The following TCF4 variants were observed in gnomAD, a reference collection of about 807,000 sequenced individuals.
The protein encoded by TCF4 is SL3-3 enhancer factor 2.
In TCF4, 3 loss-of-function variants were observed where a neutral mutation model predicts 82.1. The ratio of observed to expected loss-of-function variants is 0.04; its 90% CI spans 0.02 to 0.09. TCF4 has a LOEUF of 0.09. Ranked by LOEUF, TCF4 falls within the 10% of genes least tolerant of loss-of-function variation. The probability of loss-of-function intolerance (pLI) is 1.00; values close to 1 mark genes in which losing one functional copy is unlikely to be tolerated. For missense variants in TCF4, 518 were observed against 852.7 expected (o/e 0.61, Z 4.89); for synonymous variants, 276 against 309.6 (o/e 0.89, Z 1.14).
At chr18:55,634,160 A>C (rs972701174) in intron 1 of TCF4, among the ~76,000 whole-genome samples, 1 of 151,938 alleles carries the variant, frequency 6.6e-6, no homozygotes, top group African/African-American at 2.4e-5. Context: ...TCCCAGCTAC[A>C]TGGGAGGCTG....
intron 3 of TCF4, among the ~76,000 whole-genome samples, chr18:55,514,411 A>G (rs2096859299): frequency 7.2e-6 from 1 of 139,474 alleles, no homozygotes; most frequent in South Asian, 2.2e-4. Context: ...CCATGCACAC[A>G]CACACACACA....
chr18:55,626,677 C>T (rs1033252415), intron 2 of TCF4, among the ~76,000 whole-genome samples: 15 of 152,218 alleles, frequency 9.9e-5, no homozygotes, highest in African/African-American at 2.9e-4. Flanking sequence ...GTAAAAGGTA[C>T]GATAACAGGA....
chr18:55,592,256 G>C (rs896041799), upstream of TCF4, among the ~76,000 whole-genome samples: 1 of 152,094 alleles, frequency 6.6e-6, no homozygotes, highest in Non-Finnish European at 1.5e-5. Flanking sequence ...ATTCAGGCTG[G>C]CCAAAATACC....
intron 11 of TCF4, chr18:55,267,668 C>T (rs2059495951): frequency 6.6e-6 from 1 of 152,128 alleles, no homozygotes; most frequent in Admixed American, 6.6e-5. Context: ...GTTTGCTCCT[C>T]CAAAATGCTG....
intron 6 of TCF4, among the ~76,000 whole-genome samples, chr18:55,370,446 T>TAGAC (rs2088716698): frequency 6.6e-6 from 1 of 150,956 alleles, no homozygotes; most frequent in African/African-American, 2.5e-5. Context: ...GATAGATAGA[T>TAGAC]AGATAGATAG....
Position 55,301,822 on chromosome 18 carries a change from G to GGGA in TCF4, c.550-22167_550-22166insTCC, listed in dbSNP as rs1555848698. On this transcript the variant is annotated intron_variant, in intron 8 of 19. Coordinates refer to ENST00000354452, the MANE Select transcript of TCF4 (RefSeq NM_001083962.2). ...AAAAAAAAAAAAAAAAGTGGGGGGG[G>GGGA]ATTCGGGTGGGGGAGAGTTATCAAT... Among the ~76,000 whole-genome samples, 133 of 137,200 alleles carry GGGA rather than the reference G, an allele frequency of 9.7e-4. 3 individuals carry two copies. Among genetic ancestry groups the GGGA allele is most frequent in the African/African-American group, 3.2e-3 (119 of 37,256 alleles). The allele number at this position is 137,200 out of a possible 152,430, so 90.0% of individuals were successfully genotyped here.
At chr18:55,621,536 T>TAATATATATAATGTACATTATATATA (rs1568500474) in intron 2 of TCF4, among the ~76,000 whole-genome samples, 2 of 7,564 alleles carry the variant, frequency 2.6e-4, no homozygotes, top group African/African-American at 9.6e-4. Flanking sequence ...ATATAATATA[T>TAATATATATAATGTACATTATATATA]ATATTATATT....
At position 55,587,074 on chromosome 18, in the gene TCF4, CTT is replaced by C. The variant is rs1603624808; in HGVS notation, c.41_42del (p.Lys14ArgfsTer4). The stretch of plus-strand genomic sequence containing the variant: ...CTGAAATCCAGTAAATCACTCAGCT[CTT>C]TGTCCGTCCCTAAGGCAGCCATTCG... ...QQRMAALGTD[K>X]ELSDLLDFSA... On this transcript the variant is annotated frameshift_variant, in exon 2 of 20. Coordinates refer to ENST00000354452, the MANE Select transcript of TCF4 (RefSeq NM_001083962.2). LOFTEE classifies it high-confidence loss of function. 1 of 1,613,736 alleles carries C rather than the reference CTT, an allele frequency of 6.2e-7. No individual in the cohort carries two copies. Among genetic ancestry groups the C allele is most frequent in the Non-Finnish European group, 8.5e-7 (1 of 1,179,966 alleles).
chr18:55,558,230 A>G (rs1010951996), intron 3 of TCF4, among the ~76,000 whole-genome samples: 1 of 152,130 alleles, frequency 6.6e-6, no homozygotes, highest in Non-Finnish European at 1.5e-5. Flanking sequence ...AAAAACTAAA[A>G]GAAAAAATTT....
chr18:55,399,876 TCTCTCACACA>T (rs1271304400), intron 6 of TCF4, among the ~76,000 whole-genome samples: 1,708 of 118,228 alleles, frequency 0.014, 19 homozygotes, highest in African/African-American at 0.036. Flanking sequence ...TCTCTCTCTC[TCTCTCACACA>T]CACACACACA....
intron 15 of TCF4, among the ~76,000 whole-genome samples, chr18:55,240,601 G>C (rs1045211611): frequency 6.6e-6 from 1 of 152,186 alleles, no homozygotes; most frequent in Non-Finnish European, 1.5e-5. Context: ...GAAGTTCATG[G>C]AATGGCAGCA....
At position 55,455,198 on chromosome 18, in the gene TCF4, A is replaced by G. The variant is rs1009295549; in HGVS notation, c.304+5821T>C. ...CTGTCTCAAAAAAAAAAAAAAAAAAAAAAAAGAAAAGAAAAAGAAGAAGGA... is the reference window on the plus strand; with the variant it reads ...CTGTCTCAAAAAAAAAAAAAAAAAAGAAAAAGAAAAGAAAAAGAAGAAGGA... On this transcript the variant is annotated intron_variant, in intron 5 of 19. Coordinates refer to ENST00000354452, the MANE Select transcript of TCF4 (RefSeq NM_001083962.2). Among the ~76,000 whole-genome samples the G allele has an allele frequency of 1.5e-4, 22 of 149,668 alleles. No homozygotes were observed. The South Asian group carries it at 3.1e-3, about 21-fold the overall frequency.
intron 3 of TCF4, among the ~76,000 whole-genome samples, chr18:55,528,928 A>T (rs1417882181): frequency 6.6e-6 from 1 of 152,216 alleles, no homozygotes; most frequent in East Asian, 1.9e-4. Flanking sequence ...CTATAATCCC[A>T]GTACTTCGGG....
In TCF4 at chr18:55,275,602, G is replaced by A. The variant is rs769657188; in HGVS notation, c.789+17C>T. The A allele has an allele frequency of 1.4e-5, 23 of 1,613,472 alleles. No individual in the cohort carries two copies. Among genetic ancestry groups the A allele is most frequent in the South Asian group, 6.6e-5 (6 of 91,082 alleles). On this transcript the variant is annotated intron_variant, in intron 10 of 19. Coordinates refer to ENST00000354452, the MANE Select transcript of TCF4 (RefSeq NM_001083962.2). ...AACTAGCTGTGACATTCCCGTTACC[G>A]TGTATGTCTGCCTTACCAAACGTTC...
At chr18:55,232,790 T>C in intron 16 of TCF4, 119 bp from the exon 17 acceptor site, 1 of 1,318,774 alleles carries the variant, frequency 7.6e-7, no homozygotes, top group Non-Finnish European at 1.1e-6. Flanking sequence ...TGTCACTTTT[T>C]TTTCCCCCTG....
intron 5 of TCF4, among the ~76,000 whole-genome samples, chr18:55,444,577 G>A (rs929217632): frequency 5.9e-5 from 9 of 152,216 alleles, no homozygotes; most frequent in African/African-American, 2.2e-4. Context: ...GGAAAAATGA[G>A]TATTTCAGGC....
intron 8 of TCF4, among the ~76,000 whole-genome samples, chr18:55,347,721 G>C (rs1677241395): frequency 1.3e-5 from 2 of 152,170 alleles, no homozygotes; most frequent in African/African-American, 4.8e-5. Flanking sequence ...TGATGATGCA[G>C]TGTCACCGTT....
chr18:55,523,358 A>G (rs932846606), intron 3 of TCF4, among the ~76,000 whole-genome samples: 4 of 151,954 alleles, frequency 2.6e-5, no homozygotes, highest in African/African-American at 9.7e-5. Flanking sequence ...AAACAGAAAA[A>G]CCATAGTAGT....
chr18:55,500,182 C>CA (rs925421164), intron 3 of TCF4, among the ~76,000 whole-genome samples: 236 of 144,112 alleles, frequency 1.6e-3, no homozygotes, highest in South Asian at 4.6e-3. Context: ...ACTTTGTCTC[C>CA]AAAAAAAAAA....
Sources: allele counts gnomAD v4.1 joint callset (sites outside exome capture counted in the v4.1 genomes callset), GRCh38; gene constraint gnomAD v4.1.1; transcripts MANE v1.5; gene names NCBI Gene and HGNC (gene_info 2026-07-23, HGNC 2026-07-21).